Variants in ADGRL3 observed in about 807,000 individuals in gnomAD.
ADGRL3 encodes adhesion G protein-coupled receptor L3, also known as calcium-independent alpha-latrotoxin receptor 3.
A neutral mutation model predicts 153.5 loss-of-function variants in ADGRL3; 62 were observed. The observed-to-expected ratio is 0.40, with a 90% CI of 0.33 to 0.50. The LOEUF (loss-of-function observed/expected upper bound fraction) is 0.50, where lower values mean the gene tolerates loss of function less well. Among genes scored for constraint, ADGRL3 ranks in the 20% least tolerant of loss-of-function variants. The pLI, the probability that ADGRL3 is intolerant of heterozygous loss-of-function variation, is 0.47. For synonymous variants in ADGRL3, 710 were observed against 672.5 expected (o/e 1.06, Z -0.86); for missense variants, 1,641 against 1,859.4 (o/e 0.88, Z 2.16).
At chr4:61,230,702 A>G (rs1577921935) in intron 1 of ADGRL3, among the ~76,000 whole-genome samples, 2 of 152,130 alleles carry the variant, frequency 1.3e-5, no homozygotes, top group Admixed American at 1.3e-4. Flanking sequence ...TATGTTTACA[A>G]AAAATACAAA....
At chr4:61,917,137 G>T (rs1217267875) in intron 13 of ADGRL3, among the ~76,000 whole-genome samples, 4 of 152,042 alleles carry the variant, frequency 2.6e-5, no homozygotes, top group Non-Finnish European at 5.9e-5. Context: ...ACTTTCACAA[G>T]ATCACACAAT....
chr4:61,719,944 G>A (rs1000598347), intron 6 of ADGRL3, among the ~76,000 whole-genome samples: 1 of 151,966 alleles, frequency 6.6e-6, no homozygotes. Context: ...CTGGCTCCTT[G>A]CTTTCCAAGT....
At chr4:61,351,749 AAAAAAG>A (rs572531796) in intron 1 of ADGRL3, among the ~76,000 whole-genome samples, 21 of 152,088 alleles carry the variant, frequency 1.4e-4, no homozygotes, top group South Asian at 2.1e-4. Context: ...GCTCAGAAAA[AAAAAAG>A]AAAAAGAAAA....
At chr4:61,627,431 G>C (rs1001623583) in intron 5 of ADGRL3, among the ~76,000 whole-genome samples, 1 of 152,000 alleles carries the variant, frequency 6.6e-6, no homozygotes, top group Non-Finnish European at 1.5e-5. Context: ...CCATGGTCTG[G>C]CCAACATGGT....
intron 1 of ADGRL3, among the ~76,000 whole-genome samples, chr4:61,223,623 A>G (rs982066317): frequency 6.6e-6 from 1 of 152,190 alleles, no homozygotes; most frequent in African/African-American, 2.4e-5. Context: ...GTAACAACCT[A>G]TATTTGATTT....
At chr4:61,520,388 C>T (rs564043284) in intron 4 of ADGRL3, among the ~76,000 whole-genome samples, 5 of 152,230 alleles carry the variant, frequency 3.3e-5, no homozygotes, top group African/African-American at 1.2e-4. Context: ...ACCACACAGA[C>T]AGTGGTGCCA....
intron 9 of ADGRL3, among the ~76,000 whole-genome samples, chr4:61,816,783 G>A (rs896991720): frequency 1.3e-5 from 2 of 152,128 alleles, no homozygotes; most frequent in Admixed American, 1.3e-4. Flanking sequence ...TGCTGAGCCG[G>A]CAGGGGCCAG....
intron 6 of ADGRL3, among the ~76,000 whole-genome samples, chr4:61,695,918 C>T (rs1303042176): frequency 1.3e-5 from 2 of 152,272 alleles, no homozygotes; most frequent in South Asian, 4.1e-4. Context: ...CCTCAGAAAC[C>T]AATGTCTGCT....
intron 18 of ADGRL3, among the ~76,000 whole-genome samples, chr4:61,983,022 A>G (rs1202465485): frequency 2.6e-5 from 4 of 151,908 alleles, no homozygotes; most frequent in African/African-American, 7.3e-5. Flanking sequence ...TCTGACTCTA[A>G]CTCTAACTCA....
At chr4:61,693,044 G>T (rs2095569111) in intron 6 of ADGRL3, among the ~76,000 whole-genome samples, 1 of 152,042 alleles carries the variant, frequency 6.6e-6, no homozygotes. Flanking sequence ...AGCAGAACTT[G>T]CGGGAAAATG....
chr4:61,846,988 GTA>G (rs1225505040), intron 9 of ADGRL3, among the ~76,000 whole-genome samples: 3 of 149,366 alleles, frequency 2.0e-5, no homozygotes, highest in African/African-American at 4.9e-5. Context: ...ATGTATATAT[GTA>G]TATATATATA....
At chr4:61,794,547 A>G (rs2097384259) in intron 8 of ADGRL3, among the ~76,000 whole-genome samples, 2 of 152,224 alleles carry the variant, frequency 1.3e-5, no homozygotes, top group South Asian at 4.1e-4. Context: ...CATTTGAAGA[A>G]ATAATGCTAA....
In ADGRL3 at chr4:61,601,206, G is replaced by A. The variant is rs909398462; in HGVS notation, c.473+13766G>A. 2.6e-5 allele frequency among the ~76,000 whole-genome samples: 4 copies of A among 152,142 alleles called. No individual in the cohort carries two copies. The East Asian group carries it at 5.8e-4, about 22-fold the overall frequency. ...TTTCAATTTATGTGTTACCGAATGC[G>A]CCAAAAATCTTGTAGGCGAATTTCA... is the stretch of plus-strand genomic sequence containing the variant. On this transcript the variant is annotated intron_variant, in intron 5 of 26. Transcript: ENST00000683033.
intron 25 of ADGRL3, among the ~76,000 whole-genome samples, chr4:62,045,026 T>C (rs929395597): frequency 1.3e-5 from 2 of 152,100 alleles, no homozygotes; most frequent in African/African-American, 2.4e-5. Flanking sequence ...CTGGATAATA[T>C]TGGATATTTA....
In ADGRL3 at chr4:61,754,708, C is replaced by T. The variant is rs112323134; in HGVS notation, c.1399+21154C>T. 3.0e-3 allele frequency among the ~76,000 whole-genome samples: 462 copies of T among 151,928 alleles called. 4 individuals carry two copies. The highest frequency in any genetic ancestry group is 0.01 in the African/African-American group (431 of 41,456). ...TATGTATACATGTGCCATGTTGGTG[C>T]GCTGCACCCATTAACTCCTCATTTA... On this transcript the variant is annotated intron_variant, in intron 8 of 26. Coordinates refer to ENST00000683033, the MANE Select transcript of ADGRL3 (RefSeq NM_001387552.1).
At chr4:61,218,475 A>G (rs553946186) in intron 1 of ADGRL3, among the ~76,000 whole-genome samples, 68 of 152,042 alleles carry the variant, frequency 4.5e-4, no homozygotes, top group African/African-American at 1.6e-3. Flanking sequence ...ATGCCCAGCT[A>G]CTTTTTTTTT....
intron 4 of ADGRL3, among the ~76,000 whole-genome samples, chr4:61,584,082 CT>C (rs201198380): frequency 1.3e-5 from 2 of 150,930 alleles, no homozygotes; most frequent in Admixed American, 6.6e-5. Context: ...TAACAAAAAC[CT>C]TTTTTTTTCC....
chr4:61,555,748 T>G (rs968438259), intron 4 of ADGRL3, among the ~76,000 whole-genome samples: 1 of 152,232 alleles, frequency 6.6e-6, no homozygotes, highest in Non-Finnish European at 1.5e-5. Flanking sequence ...TGCCCATTTT[T>G]ATGGTTATTT....
Position 61,587,280 on chromosome 4 carries a change from G to C in ADGRL3, c.313G>C (p.Glu105Gln). The C allele has an allele frequency of 6.2e-7, 1 of 1,610,870 alleles. No individual in the cohort carries two copies. The highest frequency in any genetic ancestry group is 8.5e-7 in the Non-Finnish European group (1 of 1,178,402). Residue 105 changes from glutamate (E) to glutamine (Q), a missense_variant, in exon 5 of 27, where the codon GAG (glutamate) becomes CAG (glutamine). This residue lies in a region of ADGRL3 where 213 missense variants were observed against 362.1 expected (regional missense o/e 0.59). Transcript: ENST00000683033. ...TGTGGTCCGCAGAGAGCTATCCTGT[G>C]AGAGCTATCCTATAGAGCTTCGCTG... Reference protein sequence around the residue: ...MAVVRRELSCESYPIELRCPG... With the variant: ...MAVVRRELSCQSYPIELRCPG...
Sources: allele counts gnomAD v4.1 joint callset (sites outside exome capture counted in the v4.1 genomes callset), GRCh38; gene constraint gnomAD v4.1.1; regional missense constraint gnomAD v4.1.1; transcripts MANE v1.5; gene names NCBI Gene and HGNC (gene_info 2026-07-23, HGNC 2026-07-21).